The following LARP1 variants were observed in gnomAD, a reference collection of about 807,000 sequenced individuals.
LARP1 encodes the protein la-related protein 1.
Under a neutral mutation model 122.7 loss-of-function variants are expected in LARP1, and 36 were observed. That is an observed-to-expected ratio of 0.29 (90% CI 0.22 to 0.39). The LOEUF (loss-of-function observed/expected upper bound fraction) is 0.39, where lower values mean the gene tolerates loss of function less well. LARP1 is among the 10% of genes least tolerant of loss of function. The pLI is 1.00. For missense variants in LARP1, 1,040 were observed against 1,403.6 expected (o/e 0.74, Z 4.14); for synonymous variants, 539 against 528.7 (o/e 1.02, Z -0.27).
intron 1 of LARP1, among the ~76,000 whole-genome samples, chr5:154,767,147 C>T (rs970702274): frequency 2.0e-5 from 3 of 152,148 alleles, no homozygotes; most frequent in African/African-American, 7.2e-5. Flanking sequence ...AGCCATTTAC[C>T]CACTGAGTGC....
intron 1 of LARP1, among the ~76,000 whole-genome samples, chr5:154,789,374 C>G (rs1582416022): frequency 6.6e-6 from 1 of 151,820 alleles, no homozygotes; most frequent in Admixed American, 6.5e-5. Flanking sequence ...CGCCCACCAC[C>G]ACGCCCAGCT....
chr5:154,762,794 A>G (rs2113604094), intron 1 of LARP1, among the ~76,000 whole-genome samples: 1 of 152,316 alleles, frequency 6.6e-6, no homozygotes, highest in Admixed American at 6.5e-5. Flanking sequence ...CCAGCCACTC[A>G]AAGTTGCCTT....
At chr5:154,698,545 T>C (rs1754576835) in intron 1 of LARP1, among the ~76,000 whole-genome samples, 1 of 152,104 alleles carries the variant, frequency 6.6e-6, no homozygotes, top group Non-Finnish European at 1.5e-5. Flanking sequence ...TGCATTGAGC[T>C]GAGATCACAC....
At chr5:154,716,375 C>A (rs1293334948) in intron 1 of LARP1, among the ~76,000 whole-genome samples, 2 of 152,112 alleles carry the variant, frequency 1.3e-5, no homozygotes, top group African/African-American at 4.8e-5. Flanking sequence ...CCCGCCTCAG[C>A]CTCCCAAAGT....
chr5:154,773,517 G>A (rs1353802158), intron 1 of LARP1, among the ~76,000 whole-genome samples: 1 of 152,180 alleles, frequency 6.6e-6, no homozygotes. Context: ...ATGCACACAT[G>A]TGTAAGTGCA....
intron 1 of LARP1, among the ~76,000 whole-genome samples, chr5:154,696,084 C>T (rs559803487): frequency 2.6e-5 from 4 of 152,080 alleles, no homozygotes; most frequent in African/African-American, 7.2e-5. Context: ...AGGCTGGGCA[C>T]GGTGGCTCAC....
intron 1 of LARP1, among the ~76,000 whole-genome samples, chr5:154,699,041 C>CA (rs1754600302): frequency 6.6e-6 from 1 of 152,172 alleles, no homozygotes; most frequent in African/African-American, 2.4e-5. Flanking sequence ...GAGGGGCCGC[C>CA]AGGATGTTCT....
intron 1 of LARP1, among the ~76,000 whole-genome samples, chr5:154,761,939 G>C (rs1031759310): frequency 6.6e-6 from 1 of 152,088 alleles, no homozygotes; most frequent in Non-Finnish European, 1.5e-5. Context: ...GGGCAGTACA[G>C]TTCATGAATT....
At chr5:154,711,950 C>T (rs894206845), upstream of LARP1, among the ~76,000 whole-genome samples, 7 of 152,156 alleles carry the variant, frequency 4.6e-5, no homozygotes, top group African/African-American at 1.7e-4. Flanking sequence ...TTGAAAATAT[C>T]CATCCTCCAT....
chr5:154,708,495 A>G (rs1055337638), upstream of LARP1, among the ~76,000 whole-genome samples: 31 of 152,220 alleles, frequency 2.0e-4, no homozygotes, highest in African/African-American at 7.2e-4. Context: ...TCTGTGTATA[A>G]GAGAAGACAT....
intron 1 of LARP1, among the ~76,000 whole-genome samples, chr5:154,700,970 A>G (rs1582160069): frequency 2.6e-5 from 4 of 152,216 alleles, no homozygotes; most frequent in Non-Finnish European, 4.4e-5. Context: ...CATCTCAAAA[A>G]AAAAAAGAAA....
chr5:154,698,033 T>C (rs1754546124), intron 1 of LARP1, among the ~76,000 whole-genome samples: 1 of 152,076 alleles, frequency 6.6e-6, no homozygotes, highest in Non-Finnish European at 1.5e-5. Context: ...GTGGTTTTTT[T>C]TTTTAAATTA....
At chr5:154,724,847 T>A (rs1756098628) in intron 1 of LARP1, among the ~76,000 whole-genome samples, 3 of 152,044 alleles carry the variant, frequency 2.0e-5, no homozygotes, top group Non-Finnish European at 2.9e-5. Context: ...TTGCATTTTG[T>A]GTATAGATGG....
In LARP1 at chr5:154,755,776, C is replaced by A; in HGVS notation, c.19C>A (p.Pro7Thr). The change falls in exon 1 of 19, where the codon CCG (proline) becomes ACG (threonine). Residue 7 changes from proline (P) to threonine (T), a missense_variant. By Grantham distance (38) the Pro-to-Thr change is conservative. Coordinates refer to ENST00000518297, the MANE Select transcript of LARP1 (RefSeq NM_033551.3). Reference protein sequence around the residue: MATQVEPLLPGGATLLQ... With the variant: MATQVETLLPGGATLLQ... The stretch of plus-strand genomic sequence containing the variant: ...CGCGCAGATGGCCACTCAGGTGGAG[C>A]CGCTGCTGCCTGGGGGCGCCACGCT... The A allele has an allele frequency of 1.0e-6, 1 of 989,238 alleles. No homozygotes were observed. Among genetic ancestry groups the A allele is most frequent in the Non-Finnish European group, 1.2e-6 (1 of 831,950 alleles). 61.3% of individuals were successfully genotyped at this position (989,238 alleles called of 1,614,324 possible).
chr5:154,743,352 A>G (rs1461833547), intron 1 of LARP1, among the ~76,000 whole-genome samples: 1 of 150,184 alleles, frequency 6.7e-6, no homozygotes, highest in Non-Finnish European at 1.5e-5. Context: ...CTTGTTGCCC[A>G]GGCTGGAGTG....
upstream of LARP1, among the ~76,000 whole-genome samples, chr5:154,754,718 C>T (rs191540100): frequency 3.8e-3 from 582 of 152,328 alleles, 4 homozygotes; most frequent in African/African-American, 0.013. Context: ...GTGTCGAGGC[C>T]AGGCCCAGCG....
intron 1 of LARP1, chr5:154,786,442 C>T (rs527357032): frequency 4.4e-6 from 2 of 456,020 alleles, no homozygotes; most frequent in African/African-American, 2.0e-5. Flanking sequence ...GGCTATGGTC[C>T]TCTGGGACAG....
intron 1 of LARP1, among the ~76,000 whole-genome samples, chr5:154,723,135 G>T (rs1203659771): frequency 2.0e-5 from 3 of 152,190 alleles, no homozygotes; most frequent in Non-Finnish European, 4.4e-5. Context: ...CTGGGCTCTG[G>T]CCTCTGGACT....
At chr5:154,706,483 A>T (rs538905998) in intron 1 of LARP1, among the ~76,000 whole-genome samples, 2 of 152,180 alleles carry the variant, frequency 1.3e-5, no homozygotes, top group South Asian at 4.1e-4. Context: ...ACATGTTCTC[A>T]CTTGTAAGTG....
Sources: gnomAD v4.1 joint callset for allele counts (sites outside exome capture counted in the v4.1 genomes callset) on GRCh38, gnomAD v4.1.1 for gene constraint, MANE v1.5 for transcripts, NCBI Gene and HGNC (gene_info 2026-07-23, HGNC 2026-07-21) for gene names.